Variants in GABRG3 observed in about 807,000 individuals in gnomAD.
GABRG3 encodes the protein gamma-aminobutyric acid receptor subunit gamma-3.
Under a neutral mutation model 48.8 loss-of-function variants are expected in GABRG3, and 25 were observed. That is an observed-to-expected ratio of 0.51 (90% CI 0.37 to 0.72). The LOEUF is 0.72. GABRG3 is among the 30% of genes least tolerant of loss of function. The pLI is 0.00. For synonymous variants in GABRG3, 227 were observed against 217.6 expected (o/e 1.04, Z -0.38); for missense variants, 394 against 577.9 (o/e 0.68, Z 3.26).
chr15:27,256,390 G>A (rs1222382434), intron 3 of GABRG3, among the ~76,000 whole-genome samples: 2 of 149,608 alleles, frequency 1.3e-5, no homozygotes, highest in South Asian at 2.1e-4. Flanking sequence ...GCAGTGAGCC[G>A]AGATGGCGCC....
At chr15:27,506,954 A>G (rs937348099) in intron 6 of GABRG3, among the ~76,000 whole-genome samples, 10 of 152,106 alleles carry the variant, frequency 6.6e-5, no homozygotes, top group African/African-American at 2.4e-4. Context: ...TTGCAATATA[A>G]GCATTTAATG....
chr15:27,434,930 C>T (rs996445617), intron 5 of GABRG3, among the ~76,000 whole-genome samples: 2 of 152,138 alleles, frequency 1.3e-5, no homozygotes, highest in Admixed American at 1.3e-4. Flanking sequence ...AGTTTCCTTC[C>T]TGCTCTCATC....
intron 6 of GABRG3, among the ~76,000 whole-genome samples, chr15:27,491,488 C>G (rs981481987): frequency 6.6e-6 from 1 of 152,142 alleles, no homozygotes. Flanking sequence ...CATGTGTCAT[C>G]ATACAGAAAC....
At chr15:27,361,104 G>A (rs1017649892) in intron 5 of GABRG3, among the ~76,000 whole-genome samples, 2 of 152,238 alleles carry the variant, frequency 1.3e-5, no homozygotes, top group Non-Finnish European at 2.9e-5. Flanking sequence ...CAGTGCCTGC[G>A]GTCCATCATG....
At chr15:27,051,961 C>G (rs1896462644) in intron 3 of GABRG3, among the ~76,000 whole-genome samples, 1 of 152,148 alleles carries the variant, frequency 6.6e-6, no homozygotes. Flanking sequence ...GTTCGTGCTC[C>G]TGTGAGAATC....
At chr15:27,458,568 C>T (rs1230995726) in intron 5 of GABRG3, among the ~76,000 whole-genome samples, 2 of 152,146 alleles carry the variant, frequency 1.3e-5, no homozygotes, top group Admixed American at 6.5e-5. Context: ...TCTCATTATC[C>T]AGCTGAGAGG....
At chr15:27,051,578 T>A (rs1896456094) in intron 3 of GABRG3, among the ~76,000 whole-genome samples, 1 of 152,144 alleles carries the variant, frequency 6.6e-6, no homozygotes, top group Admixed American at 6.5e-5. Context: ...ATAACTCTTG[T>A]CCCTTCCTCT....
At chr15:27,272,468 T>TATAGTACAGTGGTATTTTCA (rs1345093820) in intron 3 of GABRG3, among the ~76,000 whole-genome samples, 4 of 152,204 alleles carry the variant, frequency 2.6e-5, no homozygotes, top group African/African-American at 9.6e-5. Context: ...TCTGTAACAG[T>TATAGTACAGTGGTATTTTCA]ATAGTACAGT....
intron 5 of GABRG3, among the ~76,000 whole-genome samples, chr15:27,464,013 G>A (rs1057410089): frequency 2.6e-5 from 4 of 152,036 alleles, no homozygotes; most frequent in Non-Finnish European, 1.5e-5. Flanking sequence ...CATGCATCGT[G>A]GCCCCCTAAA....
Position 27,538,080 on chromosome 15 carries a change from G to A in GABRG3, c.*5199G>A, listed in dbSNP as rs2150868824. The A allele has an allele frequency of 6.6e-6, 1 of 152,288 alleles. No homozygotes were observed. Among genetic ancestry groups the A allele is most frequent in the Admixed American group, 6.5e-5 (1 of 15,296 alleles). The allele number at this position is 152,288 out of a possible 1,614,324, so 9.4% of individuals were successfully genotyped here. A position where few individuals can be genotyped will look rare whatever the true frequency, so the allele number is the denominator to read the frequency against. ...GGTCTCGAACTCCTGACCTTCAGGT[G>A]ATCCACCCGCCTTGGCCTCCCAAAG... On this transcript the variant is annotated 3_prime_UTR_variant, in exon 10 of 10. Transcript: ENST00000615808.
chr15:27,117,342 AGCC>A (rs551814500), intron 3 of GABRG3, among the ~76,000 whole-genome samples: 186 of 152,218 alleles, frequency 1.2e-3, no homozygotes, highest in Non-Finnish European at 1.2e-3. Context: ...TCTCCTCTGG[AGCC>A]GAACAATACT....
intron 5 of GABRG3, among the ~76,000 whole-genome samples, chr15:27,388,527 A>G (rs62001352): frequency 0.12 from 18,006 of 152,166 alleles, 1,184 homozygotes; most frequent in East Asian, 0.18. Flanking sequence ...CAGAAAAGCC[A>G]TTCAGTACCA....
chr15:27,056,057 A>C (rs538558761), intron 3 of GABRG3, among the ~76,000 whole-genome samples: 1 of 152,174 alleles, frequency 6.6e-6, no homozygotes, highest in Non-Finnish European at 1.5e-5. Flanking sequence ...CAAACAGAAA[A>C]TAAATGTACA....
In GABRG3 at chr15:27,180,582, A is replaced by G. The variant is rs1274951505; in HGVS notation, c.271-146227A>G. On this transcript the variant is annotated intron_variant, in intron 3 of 9. Coordinates refer to ENST00000615808, the MANE Select transcript of GABRG3 (RefSeq NM_033223.5). The surrounding 1 kb of genome is among the most constrained non-coding windows in gnomAD (Gnocchi z 4.2). ...TAACCATGTCATCCTGATTCACTCA[A>G]CTTTACCCCAACTCAGATTCTGTTT... Among the ~76,000 whole-genome samples, 1 of 152,070 alleles carries G rather than the reference A, an allele frequency of 6.6e-6. No homozygotes were observed. The highest frequency in any genetic ancestry group is 1.5e-5 in the Non-Finnish European group (1 of 68,022).
chr15:27,315,300 T>C (rs1893174640), intron 3 of GABRG3, among the ~76,000 whole-genome samples: 1 of 152,176 alleles, frequency 6.6e-6, no homozygotes, highest in Non-Finnish European at 1.5e-5. Context: ...TACTTTACAG[T>C]GTCTAGATAA....
In GABRG3 at chr15:27,236,198, G is replaced by T. The variant is rs569722446; in HGVS notation, c.271-90611G>T. Among the ~76,000 whole-genome samples, 1 of 152,290 alleles carries T rather than the reference G, an allele frequency of 6.6e-6. No individual in the cohort carries two copies. The highest frequency in any genetic ancestry group is 2.4e-5 in the African/African-American group (1 of 41,566). ...GTCCGGCGTACATGGAAGCATCTCA[G>T]GAGGAAGCCTGCTTATCCCTGTGGA... On this transcript the variant is annotated intron_variant, in intron 3 of 9. Transcript: ENST00000615808. This position sits in a 1 kb window ranked among gnomAD's most constrained non-coding sequence, Gnocchi z 4.4.
chr15:27,135,539 A>T (rs575916270), intron 3 of GABRG3, among the ~76,000 whole-genome samples: 1 of 152,344 alleles, frequency 6.6e-6, no homozygotes, highest in East Asian at 1.9e-4. Flanking sequence ...GTCTCAAAGC[A>T]TGCTGGTTGT....
At chr15:27,050,656 G>T (rs1210187518) in intron 3 of GABRG3, among the ~76,000 whole-genome samples, 2 of 152,140 alleles carry the variant, frequency 1.3e-5, no homozygotes. Context: ...TCTGGAGGGG[G>T]CTGTTTTTAT....
intron 5 of GABRG3, among the ~76,000 whole-genome samples, chr15:27,473,983 G>A (rs1889860488): frequency 6.6e-6 from 1 of 152,108 alleles, no homozygotes; most frequent in Admixed American, 6.5e-5. Context: ...TGTTTCATAG[G>A]CTTTACACAG....
Sources: gnomAD v4.1 joint callset for allele counts (sites outside exome capture counted in the v4.1 genomes callset) on GRCh38, gnomAD v4.1.1 for gene constraint, Gnocchi (gnomAD v3.1) non-coding constraint, MANE v1.5 for transcripts, NCBI Gene and HGNC (gene_info 2026-07-23, HGNC 2026-07-21) for gene names.